The following NUP205 variants were observed in gnomAD, a reference collection of about 807,000 sequenced individuals.
NUP205 encodes the protein nucleoporin 205.
Under a neutral mutation model 253.8 loss-of-function variants are expected in NUP205, and 76 were observed. That is an observed-to-expected ratio of 0.30 (90% confidence interval 0.25 to 0.36). The LOEUF (loss-of-function observed/expected upper bound fraction) is 0.36. NUP205 is among the 10% of genes least tolerant of loss of function. The pLI is 1.00. For missense variants in NUP205, 2,162 were observed against 2,425.5 expected (o/e 0.89, Z 2.28); for synonymous variants, 832 against 850.1 (o/e 0.98, Z 0.37).
At position 135,578,796 on chromosome 7, in the gene NUP205, C is replaced by G. The variant is rs771180665; in HGVS notation, c.923C>G (p.Ala308Gly). The change falls in exon 7 of 43, where the codon GCA becomes GGA. Residue 308 changes from alanine to glycine, a missense_variant. Physicochemically the swap from Ala to Gly is moderately conservative, Grantham distance 60. This residue lies in a region of NUP205 where 892 missense variants were observed against 957.1 expected (regional missense o/e 0.93). Coordinates refer to ENST00000285968, the MANE Select transcript of NUP205 (RefSeq NM_015135.3). ...LPLLTEKQYI[A>G]TIHSRLQDSQ... The stretch of plus-strand genomic sequence containing the variant: ...CTGTTGACAGAAAAACAGTACATTG[C>G]AACAATTCACTCTCGTCTTCAGGAC... 2.5e-6 allele frequency: 4 copies of G among 1,609,624 alleles called. No individual in the cohort carries two copies. Among genetic ancestry groups the G allele is most frequent in the Admixed American group, 1.7e-5 (1 of 58,664 alleles).
At chr7:135,607,709 T>C (rs978578044) in intron 22 of NUP205, among the ~76,000 whole-genome samples, 2 of 152,190 alleles carry the variant, frequency 1.3e-5, no homozygotes, top group Non-Finnish European at 1.5e-5. Flanking sequence ...CCATGACAGG[T>C]GAAGTCACCT....
At chr7:135,646,087 C>A in intron 41 of NUP205, 71 bp from the exon 42 acceptor site, 1 of 945,310 alleles carries the variant, frequency 1.1e-6, no homozygotes, top group Non-Finnish European at 1.7e-6. Context: ...TATTCATTGT[C>A]ATCAGGTTCC....
At position 135,617,209 on chromosome 7, in the gene NUP205, C is replaced by T; in HGVS notation, c.3652C>T (p.His1218Tyr). The T allele has an allele frequency of 6.2e-7, 1 of 1,613,786 alleles. No individual in the cohort carries two copies. ...TGAACAAGTTATTGCTAACTGTGAACACAAGAATTTACGGGGACAGACAGT... is the reference window on the plus strand; with the variant it reads ...TGAACAAGTTATTGCTAACTGTGAATACAAGAATTTACGGGGACAGACAGT... Reference protein sequence around the residue: ...QIEQVIANCEHKNLRGQTVCN... With the variant: ...QIEQVIANCEYKNLRGQTVCN... Residue 1218 changes from histidine to tyrosine, a missense_variant, in exon 26 of 43, where the codon CAC becomes TAC. His to Tyr is a moderately conservative substitution (Grantham distance 83). Coordinates refer to ENST00000285968, the MANE Select transcript of NUP205 (RefSeq NM_015135.3).
intron 27 of NUP205, 113 bp from the exon 28 acceptor site, chr7:135,618,299 C>T: frequency 1.2e-6 from 1 of 812,384 alleles, no homozygotes; most frequent in Middle Eastern, 3.3e-4. Flanking sequence ...GAAAAGATAC[C>T]TGCTTCCTGG....
At chr7:135,645,075 A>T in intron 40 of NUP205, 57 bp downstream of exon 40, 2 of 1,583,928 alleles carry the variant, frequency 1.3e-6, no homozygotes, top group Non-Finnish European at 1.7e-6. Flanking sequence ...GGAACTGTTC[A>T]CTTATTCTCA....
chr7:135,642,438 C>T (rs560574979), intron 38 of NUP205, among the ~76,000 whole-genome samples: 1 of 152,158 alleles, frequency 6.6e-6, no homozygotes, highest in South Asian at 2.1e-4. Context: ...TCTCTCTCCT[C>T]AGCCTTCCAA....
chr7:135,564,219 A>G (rs1419870920), intron 1 of NUP205, among the ~76,000 whole-genome samples: 4 of 150,534 alleles, frequency 2.7e-5, no homozygotes, highest in African/African-American at 9.8e-5. Flanking sequence ...AGCTGAGACT[A>G]TAGGCACAAG....
At chr7:135,578,716 G>C in intron 6 of NUP205, 35 bp from the exon 7 acceptor site, 1 of 1,484,874 alleles carries the variant, frequency 6.7e-7, no homozygotes. Context: ...AATTTATCTG[G>C]TGATCGGTAA....
At chr7:135,623,152 A>C (rs1384457564) in intron 31 of NUP205, among the ~76,000 whole-genome samples, 1 of 151,834 alleles carries the variant, frequency 6.6e-6, no homozygotes, top group East Asian at 1.9e-4. Context: ...GGTGGCATGC[A>C]CCTGTAGTCC....
In NUP205 at chr7:135,634,644, G is replaced by A. The variant is rs534823224; in HGVS notation, c.5060-937G>A. Reference sequence around the variant, plus strand: ...CAAATAGGAAAACTCTTCTGTGGCAGGGTAGATGTTAGTATGTTAGAAGAG... The same window carrying A: ...CAAATAGGAAAACTCTTCTGTGGCAAGGTAGATGTTAGTATGTTAGAAGAG... On this transcript the variant is annotated intron_variant, in intron 35 of 42. Coordinates refer to ENST00000285968, the MANE Select transcript of NUP205 (RefSeq NM_015135.3). Among the ~76,000 whole-genome samples the A allele has an allele frequency of 9.2e-5, 14 of 152,292 alleles. No homozygotes were observed. The South Asian group carries it at 2.9e-3, about 32-fold the overall frequency.
chr7:135,631,758 T>G (rs1374584098), intron 35 of NUP205, among the ~76,000 whole-genome samples: 1 of 150,258 alleles, frequency 6.7e-6, no homozygotes, highest in Non-Finnish European at 1.5e-5. Context: ...CTTTCTTTCT[T>G]TTTTTTTTTG....
At chr7:135,611,198 C>T (rs1794227333) in intron 22 of NUP205, among the ~76,000 whole-genome samples, 1 of 151,880 alleles carries the variant, frequency 6.6e-6, no homozygotes, top group Admixed American at 6.6e-5. Flanking sequence ...TTAGTGGAGA[C>T]GGGGTTTCAC....
intron 33 of NUP205, 110 bp downstream of exon 33, chr7:135,626,471 G>A (rs1020905700): frequency 1.8e-5 from 23 of 1,263,908 alleles, no homozygotes; most frequent in Non-Finnish European, 2.2e-5. Flanking sequence ...TCATCTTGGT[G>A]TGGGTTTTTT....
chr7:135,618,492 G>A lies in NUP205; in HGVS notation c.3852G>A (p.Glu1284=). ...QCLHAKRHAL[E]SWRQLVEIIL... ...TTCATGCAAAACGTCATGCTCTGGA[G>A]TCGTGGAGGCAACTAGTAGAAATTA... The change falls in exon 28 of 43, where the codon GAG becomes GAA. Residue 1284 remains glutamate, a synonymous_variant. Coordinates refer to ENST00000285968, the MANE Select transcript of NUP205 (RefSeq NM_015135.3). 6.2e-7 allele frequency: 1 copy of A among 1,614,136 alleles called. No homozygotes were observed. The highest frequency in any genetic ancestry group is 8.5e-7 in the Non-Finnish European group (1 of 1,180,004).
At chr7:135,618,103 A>T (rs1399328241) in intron 27 of NUP205, among the ~76,000 whole-genome samples, 2 of 152,080 alleles carry the variant, frequency 1.3e-5, no homozygotes, top group Non-Finnish European at 2.9e-5. Context: ...TTGAACTTGG[A>T]GTTTAGATAA....
intron 23 of NUP205, 44 bp from the exon 24 acceptor site, chr7:135,615,870 CTG>C (rs963641310): frequency 7.3e-7 from 1 of 1,372,262 alleles, no homozygotes; most frequent in African/African-American, 1.5e-5. Context: ...TGTTTTGATA[CTG>C]TGTTATTACT....
At chr7:135,637,527 C>G (rs2129492429) in intron 36 of NUP205, among the ~76,000 whole-genome samples, 1 of 152,288 alleles carries the variant, frequency 6.6e-6, no homozygotes, top group Middle Eastern at 3.4e-3. Context: ...TAGATTTGTG[C>G]CTTGGTAGAC....
At chr7:135,632,170 G>A (rs1348421270) in intron 35 of NUP205, among the ~76,000 whole-genome samples, 3 of 152,174 alleles carry the variant, frequency 2.0e-5, no homozygotes, top group Admixed American at 1.3e-4. Flanking sequence ...CAGGACGGCC[G>A]ATTATGATTT....
chr7:135,618,488 T>A lies in NUP205; in HGVS notation c.3848T>A (p.Leu1283Gln). 1 of 1,614,156 alleles carries A rather than the reference T, an allele frequency of 6.2e-7. No individual in the cohort carries two copies. The highest frequency in any genetic ancestry group is 1.3e-5 in the African/African-American group (1 of 75,050). The change falls in exon 28 of 43, where the codon CTG (leucine) becomes CAG (glutamine). Residue 1283 changes from leucine to glutamine, a missense_variant. Physicochemically the swap from Leu to Gln is moderately radical, Grantham distance 113. Transcript: ENST00000285968. Reference protein sequence around the residue: ...LQCLHAKRHALESWRQLVEII... With the variant: ...LQCLHAKRHAQESWRQLVEII... ...TGTCTTCATGCAAAACGTCATGCTC[T>A]GGAGTCGTGGAGGCAACTAGTAGAA... is the stretch of plus-strand genomic sequence containing the variant.
Sources: gnomAD v4.1 joint callset for allele counts (sites outside exome capture counted in the v4.1 genomes callset) on GRCh38, gnomAD v4.1.1 for gene constraint, gnomAD v4.1.1 regional missense constraint, MANE v1.5 for transcripts, NCBI Gene and HGNC (gene_info 2026-07-23, HGNC 2026-07-21) for gene names.